CHRNA7: variants seen among roughly 807,000 people sequenced by gnomAD.
CHRNA7 encodes the protein cholinergic receptor nicotinic alpha 7 subunit.
CHRNA7 carries 17 observed loss-of-function variants against 48.0 expected under a neutral mutation model. The ratio of observed to expected loss-of-function variants is 0.35; its 90% confidence interval spans 0.24 to 0.53. The LOEUF (loss-of-function observed/expected upper bound fraction) is 0.53, where lower values mean the gene tolerates loss of function less well. Ranked by LOEUF, CHRNA7 falls within the 20% of genes least tolerant of loss-of-function variation. CHRNA7 has a pLI of 0.92. For synonymous variants in CHRNA7, 75 were observed against 242.3 expected (o/e 0.31, Z 6.41); for missense variants, 155 against 577.7 (o/e 0.27, Z 7.50).
intron 2 of CHRNA7, among the ~76,000 whole-genome samples, chr15:32,072,488 C>G (rs1239147511): frequency 6.6e-6 from 1 of 152,162 alleles, no homozygotes; most frequent in Non-Finnish European, 1.5e-5. Flanking sequence ...GCAACTTCTC[C>G]CAAAAGAGAT....
intron 4 of CHRNA7, among the ~76,000 whole-genome samples, chr15:32,128,852 A>C (rs911444389): frequency 6.6e-6 from 1 of 151,956 alleles, no homozygotes; most frequent in Admixed American, 6.6e-5. Context: ...TGGCGAAAGC[A>C]TCCAGTCTTT....
At chr15:32,049,943 T>C (rs145509983) in intron 2 of CHRNA7, among the ~76,000 whole-genome samples, 2,107 of 152,290 alleles carry the variant, frequency 0.014, 43 homozygotes, top group African/African-American at 0.049. Context: ...TAGGTGAAAA[T>C]TCTTTTCTTT....
intron 4 of CHRNA7, among the ~76,000 whole-genome samples, chr15:32,151,999 CTGCCTG>C (rs1041691911): frequency 6.6e-6 from 1 of 152,204 alleles, no homozygotes; most frequent in African/African-American, 2.4e-5. Flanking sequence ...CTTTGACTGG[CTGCCTG>C]TGTTTTTTTG....
chr15:32,126,844 A>C (rs1345749415), intron 4 of CHRNA7, among the ~76,000 whole-genome samples: 1 of 152,204 alleles, frequency 6.6e-6, no homozygotes, highest in African/African-American at 2.4e-5. Context: ...AAATAACTCT[A>C]GTGTAATATC....
intron 2 of CHRNA7, among the ~76,000 whole-genome samples, chr15:32,073,910 C>T (rs2050096063): frequency 6.6e-6 from 1 of 152,096 alleles, no homozygotes; most frequent in Non-Finnish European, 1.5e-5. Context: ...TTATAAATTA[C>T]CCAGTCTCAG....
chr15:32,109,015 C>T (rs912817709), intron 3 of CHRNA7, among the ~76,000 whole-genome samples: 13 of 152,146 alleles, frequency 8.5e-5, no homozygotes, highest in African/African-American at 2.7e-4. Flanking sequence ...AAAAGGGTTC[C>T]GATCCAGACC....
At chr15:32,139,487 A>G (rs1342653415) in intron 4 of CHRNA7, among the ~76,000 whole-genome samples, 1 of 152,132 alleles carries the variant, frequency 6.6e-6, no homozygotes, top group African/African-American at 2.4e-5. Flanking sequence ...CCAGCAGTGT[A>G]TGAGAGTTCC....
intron 2 of CHRNA7, among the ~76,000 whole-genome samples, chr15:32,039,139 C>T (rs889802214): frequency 6.6e-6 from 1 of 151,836 alleles, no homozygotes; most frequent in Non-Finnish European, 1.5e-5. Context: ...TTATTTTTGT[C>T]CTTTCTCATT....
chr15:32,101,347 G>C lies in CHRNA7; in HGVS notation c.240G>C (p.Met80Ile). The C allele has an allele frequency of 2.5e-6, 4 of 1,586,022 alleles. No individual in the cohort carries two copies. In the South Asian group the frequency reaches 4.7e-5, roughly 19 times the overall value. The change falls in exon 3 of 10, where the codon ATG becomes ATC. Residue 80 changes from methionine to isoleucine, a missense_variant and splice_region_variant. Physicochemically the swap from Met to Ile is conservative, Grantham distance 10. Coordinates refer to ENST00000306901, the MANE Select transcript of CHRNA7 (RefSeq NM_000746.6). ...TAACCACCAACATTTGGCTGCAAAT[G>C]GTAAGTTAAGAGAATGACAATCTCT... ...QVLTTNIWLQ[M>I]SWTDHYLQWN...
intron 2 of CHRNA7, among the ~76,000 whole-genome samples, chr15:32,064,507 G>T: frequency 7.2e-6 from 1 of 138,986 alleles, no homozygotes; most frequent in Non-Finnish European, 1.6e-5. Context: ...GTGTGTATGT[G>T]TGTGTGTGGT....
At chr15:32,080,497 T>A (rs1421770810) in intron 2 of CHRNA7, among the ~76,000 whole-genome samples, 4 of 151,964 alleles carry the variant, frequency 2.6e-5, no homozygotes, top group African/African-American at 9.7e-5. Context: ...GAACAGACAC[T>A]TCTCAAAAGA....
chr15:32,148,725 T>C (rs2051547432), intron 4 of CHRNA7, among the ~76,000 whole-genome samples: 1 of 152,180 alleles, frequency 6.6e-6, no homozygotes, highest in African/African-American at 2.4e-5. Context: ...AGTGGTTTGC[T>C]CCCAAGCCCT....
chr15:32,053,947 A>G (rs1461402338), intron 2 of CHRNA7, among the ~76,000 whole-genome samples: 1 of 152,202 alleles, frequency 6.6e-6, no homozygotes, highest in African/African-American at 2.4e-5. Context: ...AATGAATGCC[A>G]CCTGTGAGAG....
At chr15:32,133,483 G>A (rs1256407976) in intron 4 of CHRNA7, among the ~76,000 whole-genome samples, 2 of 152,174 alleles carry the variant, frequency 1.3e-5, no homozygotes, top group African/African-American at 2.4e-5. Context: ...TACCCAAGAA[G>A]GCGGGAGTAA....
intron 2 of CHRNA7, among the ~76,000 whole-genome samples, chr15:32,044,596 G>A (rs1288149395): frequency 1.3e-5 from 2 of 152,134 alleles, no homozygotes; most frequent in African/African-American, 4.8e-5. Flanking sequence ...TTTAGATATG[G>A]CTTCTGCTCT....
intron 2 of CHRNA7, among the ~76,000 whole-genome samples, chr15:32,065,563 T>C (rs1286066251): frequency 6.6e-6 from 1 of 152,258 alleles, no homozygotes; most frequent in African/African-American, 2.4e-5. Flanking sequence ...GGGAATTCGA[T>C]GTCCACAAGT....
chr15:32,043,157 C>A (rs2049478198), intron 2 of CHRNA7, among the ~76,000 whole-genome samples: 1 of 152,166 alleles, frequency 6.6e-6, no homozygotes, highest in Admixed American at 6.5e-5. Context: ...TAAACAAATA[C>A]AGATTTTAAA....
At chr15:32,148,464 A>G (rs1023949408) in intron 4 of CHRNA7, among the ~76,000 whole-genome samples, 1 of 152,210 alleles carries the variant, frequency 6.6e-6, no homozygotes, top group African/African-American at 2.4e-5. Context: ...TGACTGAGGC[A>G]GGAGGCAAGG....
intron 4 of CHRNA7, among the ~76,000 whole-genome samples, chr15:32,118,980 T>C (rs1224635040): frequency 9.5e-6 from 1 of 104,916 alleles, no homozygotes; most frequent in Non-Finnish European, 2.2e-5. Context: ...TGTGAAAGAC[T>C]TCGAAATGCA....
Sources: allele counts gnomAD v4.1 joint callset (sites outside exome capture counted in the v4.1 genomes callset), GRCh38; gene constraint gnomAD v4.1.1; transcripts MANE v1.5; gene names NCBI Gene and HGNC (gene_info 2026-07-23, HGNC 2026-07-21).